ZNF425: variants seen among roughly 807,000 people sequenced by gnomAD.
ZNF425 encodes zinc finger protein 425.
Under a neutral mutation model 17.0 loss-of-function variants are expected in ZNF425, and 21 were observed. That is an observed-to-expected ratio of 1.23 (90% CI 0.88 to 1.78). The LOEUF (loss-of-function observed/expected upper bound fraction) is 1.78. Ranked by LOEUF, ZNF425 falls within the 40% of genes most tolerant of loss-of-function variation. The probability of loss-of-function intolerance (pLI) is 0.00; values close to 1 mark genes in which losing one functional copy is unlikely to be tolerated. For synonymous variants in ZNF425, 433 were observed against 384.1 expected (o/e 1.13, Z -1.49); for missense variants, 868 against 967.3 (o/e 0.90, Z 1.36).
In ZNF425 at chr7:149,103,899, G is replaced by C; in HGVS notation, c.1972C>G (p.Arg658Gly). 3 of 1,613,618 alleles carry C rather than the reference G, an allele frequency of 1.9e-6. No individual in the cohort carries two copies. Among genetic ancestry groups the C allele is most frequent in the South Asian group, 1.1e-5 (1 of 91,036 alleles). The change falls in exon 4 of 4, where the codon CGA (arginine) becomes GGA (glycine). Residue 658 changes from arginine to glycine, a missense_variant. Coordinates refer to ENST00000378061, the MANE Select transcript of ZNF425 (RefSeq NM_001001661.3). Reference protein sequence around the residue: ...TQQYRLTEHIRVHSGEKPFQC... With the variant: ...TQQYRLTEHIGVHSGEKPFQC... ...AAGGGCTTCTCCCCGCTGTGGACTC[G>C]AATGTGTTCTGTGAGCCGGTACTGT...
At chr7:149,126,101 C>T (rs758506943) in intron 1 of ZNF425, 95 bp downstream of exon 1, 2 of 1,591,672 alleles carry the variant, frequency 1.3e-6, no homozygotes, top group Non-Finnish European at 1.7e-6. Context: ...AGGCCCAGGC[C>T]CCGGCCGCCC....
intron 2 of ZNF425, among the ~76,000 whole-genome samples, chr7:149,117,125 G>A (rs1826277991): frequency 1.3e-5 from 2 of 151,842 alleles, no homozygotes; most frequent in South Asian, 4.2e-4. Context: ...ATTAGCCAGC[G>A]CGGTGGCGGG....
rs930384933 is a variant in ZNF425, at chr7:149,102,933, G to C, written c.*679C>G. 1.3e-5 allele frequency: 2 copies of C among 152,154 alleles called. No individual in the cohort carries two copies. The highest frequency in any genetic ancestry group is 2.9e-5 in the Non-Finnish European group (2 of 68,032). 9.4% of individuals were successfully genotyped at this position (152,154 alleles called of 1,614,324 possible). A position where few individuals can be genotyped will look rare whatever the true frequency, so the allele number is the denominator to read the frequency against. On this transcript the variant is annotated 3_prime_UTR_variant, in exon 4 of 4. Coordinates refer to ENST00000378061, the MANE Select transcript of ZNF425 (RefSeq NM_001001661.3). ...AATACAGATTTAAGTAAAATGGCCT[G>C]GTAATGGAAAAGCTGACTGAGGAAT...
rs764655232 is a variant in ZNF425 at position 149,104,277 on chromosome 7, C to A, written c.1594G>T (p.Gly532Cys). The A allele has an allele frequency of 6.2e-6, 10 of 1,613,614 alleles. No homozygotes were observed. The South Asian group carries it at 6.6e-5, about 11-fold the overall frequency. Reference protein sequence around the residue: ...TEKPFSCAECGRSFRRRAHLT... With the variant: ...TEKPFSCAECCRSFRRRAHLT... Reference sequence around the variant, plus strand: ...TGCGCGCGTCGGCGGAAACTGCGGCCGCACTCGGCGCAGGAGAACGGCTTT... The same window carrying A: ...TGCGCGCGTCGGCGGAAACTGCGGCAGCACTCGGCGCAGGAGAACGGCTTT... The change falls in exon 4 of 4, where the codon GGC becomes TGC. Residue 532 changes from glycine (G) to cysteine (C), a missense_variant. Physicochemically the swap from Gly to Cys is radical, Grantham distance 159. Transcript: ENST00000378061. This position sits in a 1 kb window ranked among gnomAD's most constrained non-coding sequence, Gnocchi z 4.3.
intron 1 of ZNF425, among the ~76,000 whole-genome samples, chr7:149,122,265 T>C (rs1826370401): frequency 6.6e-6 from 1 of 151,766 alleles, no homozygotes; most frequent in African/African-American, 2.4e-5. Context: ...GATTTTTTTT[T>C]AACTGTCCAA....
In ZNF425 at chr7:149,104,361, T is replaced by A; in HGVS notation, c.1510A>T (p.Lys504Ter). The A allele has an allele frequency of 6.2e-7, 1 of 1,612,058 alleles. No individual in the cohort carries two copies. The highest frequency in any genetic ancestry group is 8.5e-7 in the Non-Finnish European group (1 of 1,179,194). The change falls in exon 4 of 4, where the codon AAA becomes TAA. Residue 504 changes from lysine to a stop codon, truncating the protein, a stop_gained. Transcript: ENST00000378061. LOFTEE classifies it low-confidence loss of function (END_TRUNC). This position sits in a 1 kb window ranked among gnomAD's most constrained non-coding sequence, Gnocchi z 4.3. ...CGCGACTGCTGAGAAAAGGTCTTTT[T>A]GCACTCGCCGCAGGGAAACTCCTTC... ...RQKEFPCGEC[K>*]KTFSQQSRLT...
intron 3 of ZNF425, among the ~76,000 whole-genome samples, chr7:149,111,696 T>C (rs1826180442): frequency 6.6e-6 from 1 of 151,452 alleles, no homozygotes; most frequent in Admixed American, 6.6e-5. Flanking sequence ...CTCTCTTTTT[T>C]TGAGATGGAG....
At position 149,104,394 on chromosome 7, in the gene ZNF425, C is replaced by G. The variant is rs1826037031; in HGVS notation, c.1477G>C (p.Asp493His). 1 of 1,608,254 alleles carries G rather than the reference C, an allele frequency of 6.2e-7. No individual in the cohort carries two copies. The change falls in exon 4 of 4, where the codon GAC (aspartate) becomes CAC (histidine). Residue 493 changes from aspartate (D) to histidine (H), a missense_variant. Transcript: ENST00000378061. The surrounding 1 kb of genome is among the most constrained non-coding windows in gnomAD (Gnocchi z 4.3). ...CCGCAGGGAAACTCCTTCTGCCTGT[C>G]GTGGACTCTGGTGTGGCAGGCGAGC... ...SKLACHTRVH[D>H]RQKEFPCGEC...
At chr7:149,110,535 C>T (rs1395844153) in intron 3 of ZNF425, among the ~76,000 whole-genome samples, 1 of 148,102 alleles carries the variant, frequency 6.8e-6, no homozygotes, top group East Asian at 2.0e-4. Context: ...CACTGCACTC[C>T]AGCCTCATCG....
At chr7:149,119,819 T>A (rs115677762) in intron 1 of ZNF425, among the ~76,000 whole-genome samples, 1,621 of 152,318 alleles carry the variant, frequency 0.011, 11 homozygotes, top group African/African-American at 0.023. Context: ...ACAAATTTTT[T>A]AAAATCCAGC....
rs778023220 is a variant in ZNF425 at position 149,104,659 on chromosome 7, G to A, written c.1212C>T (p.His404=). ...KFIYKIKLDE[H]IRVHTGEKPF... ...GCTTCTCTCCCGTGTGAACTCTGATGTGCTCGTCCAGCTTAATCTTGTAGA... is the reference window on the plus strand; with the variant it reads ...GCTTCTCTCCCGTGTGAACTCTGATATGCTCGTCCAGCTTAATCTTGTAGA... The change falls in exon 4 of 4, where the codon CAC becomes CAT. Residue 404 remains histidine, a synonymous_variant. Coordinates refer to ENST00000378061, the MANE Select transcript of ZNF425 (RefSeq NM_001001661.3). This position sits in a 1 kb window ranked among gnomAD's most constrained non-coding sequence, Gnocchi z 4.3. 6.2e-7 allele frequency: 1 copy of A among 1,614,118 alleles called. No individual in the cohort carries two copies. Among genetic ancestry groups the A allele is most frequent in the Non-Finnish European group, 8.5e-7 (1 of 1,180,032 alleles).
At chr7:149,124,716 T>C (rs541084386) in intron 1 of ZNF425, among the ~76,000 whole-genome samples, 1 of 152,078 alleles carries the variant, frequency 6.6e-6, no homozygotes, top group Admixed American at 6.5e-5. Context: ...TAATTTTGTA[T>C]TTTTGGTAGA....
In ZNF425 at chr7:149,104,200, G is replaced by C; in HGVS notation, c.1671C>G (p.Pro557=). 1 of 1,612,382 alleles carries C rather than the reference G, an allele frequency of 6.2e-7. No homozygotes were observed. The highest frequency in any genetic ancestry group is 8.5e-7 in the Non-Finnish European group (1 of 1,179,092). ...TCCAGGAGAAGCTCTTGTCGCACTC[G>C]GGACACTGGAAGGGCTCCTCGCCAC... ...LHSGEEPFQC[P]ECDKSFSWKA... The change falls in exon 4 of 4, where the codon CCC becomes CCG. Residue 557 remains proline, a synonymous_variant. Transcript: ENST00000378061. The surrounding 1 kb of genome is among the most constrained non-coding windows in gnomAD (Gnocchi z 4.3).
intron 2 of ZNF425, among the ~76,000 whole-genome samples, chr7:149,114,471 C>A (rs573045632): frequency 5.4e-4 from 81 of 150,314 alleles, no homozygotes; most frequent in African/African-American, 2.0e-3. Context: ...CAGAGTGGCT[C>A]ACTGCAACCT....
intron 2 of ZNF425, among the ~76,000 whole-genome samples, chr7:149,116,907 A>G (rs936027256): frequency 6.6e-5 from 10 of 152,066 alleles, no homozygotes; most frequent in African/African-American, 2.4e-4. Flanking sequence ...TAAATCCCCC[A>G]AGCAGGGAAT....
chr7:149,103,456 G>C lies in ZNF425; in HGVS notation c.*156C>G. Reference sequence around the variant, plus strand: ...TGGTCTCAAACTTCTGGGCTCAAGCGATCCTCCCACCTGGGCCTCCCAAAG... The same window carrying C: ...TGGTCTCAAACTTCTGGGCTCAAGCCATCCTCCCACCTGGGCCTCCCAAAG... On this transcript the variant is annotated 3_prime_UTR_variant, in exon 4 of 4. Coordinates refer to ENST00000378061, the MANE Select transcript of ZNF425 (RefSeq NM_001001661.3). 2 of 935,474 alleles carry C rather than the reference G, an allele frequency of 2.1e-6. No homozygotes were observed. Among genetic ancestry groups the C allele is most frequent in the Admixed American group, 3.0e-5 (1 of 33,370 alleles). 57.9% of individuals were successfully genotyped at this position (935,474 alleles called of 1,614,324 possible).
chr7:149,110,452 G>T (rs1826156031), intron 3 of ZNF425, among the ~76,000 whole-genome samples: 1 of 151,450 alleles, frequency 6.6e-6, no homozygotes, highest in Non-Finnish European at 1.5e-5. Flanking sequence ...TGTAATCCCA[G>T]CTACTCAGGA....
At chr7:149,112,588 G>A (rs894176413) in intron 2 of ZNF425, among the ~76,000 whole-genome samples, 1 of 152,096 alleles carries the variant, frequency 6.6e-6, no homozygotes, top group Admixed American at 6.6e-5. Flanking sequence ...AGTAGAGATC[G>A]CGCCTCTGCA....
chr7:149,110,293 C>T (rs112315640), intron 3 of ZNF425, among the ~76,000 whole-genome samples: 6,873 of 151,396 alleles, frequency 0.045, 522 homozygotes, highest in African/African-American at 0.16. Flanking sequence ...CAGCCGGGCA[C>T]GGTAGCTCAC....
Sources: allele counts gnomAD v4.1 joint callset (sites outside exome capture counted in the v4.1 genomes callset), GRCh38; gene constraint gnomAD v4.1.1; non-coding constraint Gnocchi (gnomAD v3.1); transcripts MANE v1.5; gene names NCBI Gene and HGNC (gene_info 2026-07-23, HGNC 2026-07-21).